The following ADORA1 variants were observed in gnomAD, a reference collection of about 807,000 sequenced individuals.
The protein encoded by ADORA1 is adenosine A1 receptor, also known as adenosine receptor A1.
A neutral mutation model predicts 19.9 loss-of-function variants in ADORA1; 6 were observed. That is an observed-to-expected ratio of 0.30 (90% CI 0.17 to 0.59). The LOEUF (loss-of-function observed/expected upper bound fraction) is 0.59. Ranked by LOEUF, ADORA1 falls within the 20% of genes least tolerant of loss-of-function variation. The probability of loss-of-function intolerance (pLI) is 0.87; values close to 1 mark genes in which losing one functional copy is unlikely to be tolerated. For synonymous variants in ADORA1, 194 were observed against 188.4 expected, an observed-to-expected ratio of 1.03 and a Z score of -0.24; for missense variants, 302 against 439.2, an observed-to-expected ratio of 0.69 and a Z score of 2.79.
chr1:203,165,965 C>G lies in ADORA1; in HGVS notation c.*65C>G. On this transcript the variant is annotated 3_prime_UTR_variant, in exon 4 of 4. Coordinates refer to ENST00000337894, the MANE Select transcript of ADORA1 (RefSeq NM_000674.3). This position sits in a 1 kb window ranked among gnomAD's most constrained non-coding sequence, Gnocchi z 5.9. ...TCTCAGTCCAGTCCTCACATGCCCG[C>G]TGTCCCAGGGGTCTCCCTGAGCCTG... 1 of 1,494,508 alleles carries G rather than the reference C, an allele frequency of 6.7e-7. No homozygotes were observed. The highest frequency in any genetic ancestry group is 8.9e-7 in the Non-Finnish European group (1 of 1,127,174). 92.6% of individuals were successfully genotyped at this position (1,494,508 alleles called of 1,614,324 possible).
chr1:203,144,167 C>T (rs978912449), intron 3 of ADORA1, among the ~76,000 whole-genome samples: 3 of 151,898 alleles, frequency 2.0e-5, no homozygotes, highest in Non-Finnish European at 4.4e-5. Flanking sequence ...CTGTAACACT[C>T]AGCTCAGATG....
At chr1:203,131,808 G>C (rs559804323) in intron 3 of ADORA1, among the ~76,000 whole-genome samples, 1 of 152,150 alleles carries the variant, frequency 6.6e-6, no homozygotes, top group South Asian at 2.1e-4. Flanking sequence ...TCCCCTCTAC[G>C]TGGCTGGAGT....
chr1:203,147,633 A>G (rs553425514), intron 3 of ADORA1, among the ~76,000 whole-genome samples: 1 of 152,288 alleles, frequency 6.6e-6, no homozygotes, highest in Admixed American at 6.5e-5. Context: ...CTGACTCATC[A>G]TCTGCATTTT....
chr1:203,150,661 G>C, intron 3 of ADORA1: 1 of 1,289,770 alleles, frequency 7.8e-7, no homozygotes, highest in Non-Finnish European at 1.0e-6. Flanking sequence ...CTTGAGTTCT[G>C]ATGCAGCAGG....
At chr1:203,142,146 G>A (rs572507253) in intron 3 of ADORA1, among the ~76,000 whole-genome samples, 4 of 152,298 alleles carry the variant, frequency 2.6e-5, no homozygotes, top group East Asian at 3.9e-4. Context: ...GATAGTGTAC[G>A]TTCAAGGGCT....
Position 203,165,696 on chromosome 1 carries a change from C to G in ADORA1, c.777C>G (p.Phe259Leu), listed in dbSNP as rs752365197. 6.2e-7 allele frequency: 1 copy of G among 1,611,056 alleles called. No homozygotes were observed. The highest frequency in any genetic ancestry group is 8.5e-7 in the Non-Finnish European group (1 of 1,178,106). Residue 259 changes from phenylalanine (F) to leucine (L), a missense_variant, in exon 4 of 4, where the codon TTC (phenylalanine) becomes TTG (leucine). Coordinates refer to ENST00000337894, the MANE Select transcript of ADORA1 (RefSeq NM_000674.3). This position sits in a 1 kb window ranked among gnomAD's most constrained non-coding sequence, Gnocchi z 5.9. Reference sequence around the variant, plus strand: ...ACATCCTCAACTGCATCACCCTCTTCTGCCCGTCCTGCCACAAGCCCAGCA... The same window carrying G: ...ACATCCTCAACTGCATCACCCTCTTGTGCCCGTCCTGCCACAAGCCCAGCA... ...PLHILNCITL[F>L]CPSCHKPSIL...
At chr1:203,156,264 A>G (rs1417152) in intron 3 of ADORA1, among the ~76,000 whole-genome samples, 106,446 of 151,968 alleles carry the variant, frequency 0.7, 40,167 homozygotes, top group Non-Finnish European at 0.85. Context: ...GGAGGGAGAG[A>G]GTCAGGAAAT....
chr1:203,143,970 C>T lies in ADORA1; in HGVS notation c.341+14788C>T, dbSNP rs551927916. Among the ~76,000 whole-genome samples, 13 of 152,312 alleles carry T rather than the reference C, an allele frequency of 8.5e-5. No individual in the cohort carries two copies. In the East Asian group the frequency reaches 2.5e-3, roughly 29 times the overall value. On this transcript the variant is annotated intron_variant, in intron 3 of 3. Transcript: ENST00000337894. ...TGGAAGCGCAGCGCCATACCTCCTT[C>T]CACCTGTACTCAACACTCACTTTCC...
chr1:203,159,326 G>T (rs920837272), intron 3 of ADORA1, among the ~76,000 whole-genome samples: 1 of 152,088 alleles, frequency 6.6e-6, no homozygotes, highest in Non-Finnish European at 1.5e-5. Context: ...ACTTCCCCTC[G>T]TACTTAGGAT....
At chr1:203,135,658 A>C (rs1365143840) in intron 3 of ADORA1, among the ~76,000 whole-genome samples, 1 of 818 alleles carries the variant, frequency 1.2e-3, no homozygotes, top group African/African-American at 5.2e-3. Context: ...ACTTTGTCTC[A>C]AAAAAAAAAA....
chr1:203,128,684 C>T lies in ADORA1; in HGVS notation c.-57-101C>T, dbSNP rs565751036. On this transcript the variant is annotated intron_variant, in intron 2 of 3. Coordinates refer to ENST00000337894, the MANE Select transcript of ADORA1 (RefSeq NM_000674.3). The surrounding 1 kb of genome is among the most constrained non-coding windows in gnomAD (Gnocchi z 5.9). ...CAGCCTGGGTAGGAGCTGCATGTGA[C>T]AAGTGGGACACATCACAGGGTACCT... 851 of 1,357,228 alleles carry T rather than the reference C, an allele frequency of 6.3e-4. 6 individuals carry two copies. In the South Asian group the frequency reaches 0.012, roughly 19 times the overall value. The allele number at this position is 1,357,228 out of a possible 1,614,324, so 84.1% of individuals were successfully genotyped here.
chr1:203,155,620 C>G (rs1479078064), intron 3 of ADORA1, among the ~76,000 whole-genome samples: 1 of 152,194 alleles, frequency 6.6e-6, no homozygotes, highest in Non-Finnish European at 1.5e-5. Flanking sequence ...CTAAGAGACT[C>G]TGGGGAGGTG....
chr1:203,143,486 C>T (rs1654760676), intron 3 of ADORA1, among the ~76,000 whole-genome samples: 1 of 152,152 alleles, frequency 6.6e-6, no homozygotes. Flanking sequence ...CCCCACCCAC[C>T]ACCACAGTGG....
At chr1:203,132,170 A>T (rs1291088233) in intron 3 of ADORA1, among the ~76,000 whole-genome samples, 1 of 152,242 alleles carries the variant, frequency 6.6e-6, no homozygotes, top group Non-Finnish European at 1.5e-5. Flanking sequence ...TATAATTTGC[A>T]CGCTATTTGC....
chr1:203,158,959 G>T (rs1343391228), intron 3 of ADORA1, among the ~76,000 whole-genome samples: 1 of 152,184 alleles, frequency 6.6e-6, no homozygotes, highest in Non-Finnish European at 1.5e-5. Context: ...ATTCAAGAGG[G>T]CAGAGCTCTC....
At chr1:203,161,239 T>C (rs952709563) in intron 3 of ADORA1, among the ~76,000 whole-genome samples, 14 of 152,228 alleles carry the variant, frequency 9.2e-5, no homozygotes, top group Non-Finnish European at 1.5e-5. Context: ...CTTTTCATGT[T>C]ATCATCATCA....
chr1:203,159,425 C>G (rs1655294350), intron 3 of ADORA1, among the ~76,000 whole-genome samples: 1 of 152,210 alleles, frequency 6.6e-6, no homozygotes, highest in East Asian at 1.9e-4. Context: ...CCCTGAGGCT[C>G]CTTCACACTA....
intron 3 of ADORA1, among the ~76,000 whole-genome samples, chr1:203,159,744 C>T (rs185754852): frequency 5.9e-5 from 9 of 152,298 alleles, no homozygotes; most frequent in Non-Finnish European, 8.8e-5. Context: ...ACCCTAACAC[C>T]TAGAACCTGG....
chr1:203,165,732 C>T lies in ADORA1; in HGVS notation c.813C>T (p.Tyr271=), dbSNP rs1655528452. Residue 271 remains tyrosine, a synonymous_variant, in exon 4 of 4, where the codon TAC becomes TAT. Transcript: ENST00000337894. The surrounding 1 kb of genome is among the most constrained non-coding windows in gnomAD (Gnocchi z 5.9). ...GCCACAAGCCCAGCATCCTTACCTA[C>T]ATTGCCATCTTCCTCACGCACGGCA... is the stretch of plus-strand genomic sequence containing the variant. ...PSCHKPSILT[Y]IAIFLTHGNS... The T allele has an allele frequency of 3.1e-6, 5 of 1,613,504 alleles. No homozygotes were observed. Among genetic ancestry groups the T allele is most frequent in the African/African-American group, 2.7e-5 (2 of 75,050 alleles).
Sources: allele counts gnomAD v4.1 joint callset (sites outside exome capture counted in the v4.1 genomes callset), GRCh38; gene constraint gnomAD v4.1.1; non-coding constraint Gnocchi (gnomAD v3.1); transcripts MANE v1.5; gene names NCBI Gene and HGNC (gene_info 2026-07-23, HGNC 2026-07-21).